Variants in TPO observed in about 807,000 individuals in gnomAD.
The protein encoded by TPO is thyroid microsomal antigen.
Under a neutral mutation model 96.9 loss-of-function variants are expected in TPO, and 78 were observed. The observed-to-expected ratio is 0.81, with a 90% CI of 0.67 to 0.97. The LOEUF is 0.97. Among genes scored for constraint, TPO ranks in the 50% least tolerant of loss-of-function variants. The probability of loss-of-function intolerance (pLI) is 0.00; values close to 1 mark genes in which losing one functional copy is unlikely to be tolerated. For missense variants in TPO, 1,252 were observed against 1,274.8 expected, an observed-to-expected ratio of 0.98 and a Z score of 0.27; for synonymous variants, 547 against 538.0, an observed-to-expected ratio of 1.02 and a Z score of -0.23.
intron 14 of TPO, among the ~76,000 whole-genome samples, chr2:1,509,633 CA>C: frequency 6.7e-6 from 1 of 150,224 alleles, no homozygotes; most frequent in South Asian, 2.2e-4. Context: ...AGGCACACCC[CA>C]CCCTCTTCTT....
chr2:1,395,761 AGTGATAGTGTGTTCTAGTGATAGTGACT>A (rs963379362), intron 1 of TPO, among the ~76,000 whole-genome samples: 1 of 149,318 alleles, frequency 6.7e-6, no homozygotes, highest in African/African-American at 2.5e-5. Context: ...AGTGTGTTCT[AGTGATAGTGTGTTCTAGTGATAGTGACT>A]AAGTCTCATG....
chr2:1,434,341 A>G (rs1471623650), intron 4 of TPO, among the ~76,000 whole-genome samples: 1 of 152,198 alleles, frequency 6.6e-6, no homozygotes, highest in Admixed American at 6.5e-5. Flanking sequence ...CTAACTAGCT[A>G]TAGATCAATT....
chr2:1,536,893 TC>T (rs1413738410), intron 15 of TPO, among the ~76,000 whole-genome samples: 11 of 94,042 alleles, frequency 1.2e-4, no homozygotes, highest in African/African-American at 4.5e-4. Context: ...CTGTGCAACC[TC>T]CCCAAATCCC....
At chr2:1,490,593 C>T (rs1052828493) in intron 10 of TPO, among the ~76,000 whole-genome samples, 12 of 152,156 alleles carry the variant, frequency 7.9e-5, no homozygotes, top group Admixed American at 7.9e-4. Context: ...CGTAGAAGGC[C>T]GGACTGCGAT....
chr2:1,390,025 T>C (rs1039737062), intron 1 of TPO, among the ~76,000 whole-genome samples: 6 of 151,986 alleles, frequency 3.9e-5, no homozygotes, highest in African/African-American at 1.4e-4. Context: ...TTTTCTTTTT[T>C]TTTTTTTTTA....
At chr2:1,398,704 G>A (rs973283776) in intron 1 of TPO, among the ~76,000 whole-genome samples, 12 of 152,218 alleles carry the variant, frequency 7.9e-5, no homozygotes, top group African/African-American at 1.7e-4. Context: ...CACCGCTTGC[G>A]TGGGGGTCTC....
chr2:1,446,386 G>A (rs1371297210), intron 5 of TPO, among the ~76,000 whole-genome samples: 1 of 152,136 alleles, frequency 6.6e-6, no homozygotes, highest in Non-Finnish European at 1.5e-5. Flanking sequence ...CTGAGCACTG[G>A]TCAATGCTTC....
intron 1 of TPO, among the ~76,000 whole-genome samples, chr2:1,386,308 G>A (rs1288038571): frequency 6.6e-6 from 1 of 152,152 alleles, no homozygotes; most frequent in Non-Finnish European, 1.5e-5. Flanking sequence ...AATGTTGACA[G>A]TGGGGTGTTA....
chr2:1,433,778 C>G (rs1383237245), intron 4 of TPO, among the ~76,000 whole-genome samples, 171 bp downstream of exon 4: 2 of 152,228 alleles, frequency 1.3e-5, no homozygotes, highest in Admixed American at 6.5e-5. Flanking sequence ...GCTTACCAAA[C>G]AGTCTCAATA....
At chr2:1,448,930 T>C (rs982577817) in intron 5 of TPO, among the ~76,000 whole-genome samples, 7 of 152,222 alleles carry the variant, frequency 4.6e-5, no homozygotes, top group African/African-American at 1.2e-4. Flanking sequence ...TTCCCAAATG[T>C]GCTTCCCTCC....
chr2:1,406,950 A>C (rs1662258028), intron 1 of TPO, among the ~76,000 whole-genome samples: 1 of 152,156 alleles, frequency 6.6e-6, no homozygotes, highest in Non-Finnish European at 1.5e-5. Flanking sequence ...CTGTTTCATA[A>C]ATGTATTATG....
chr2:1,430,725 G>A (rs951469493), intron 3 of TPO, among the ~76,000 whole-genome samples: 16 of 152,224 alleles, frequency 1.1e-4, no homozygotes, highest in African/African-American at 2.9e-4. Flanking sequence ...TACAGGACAC[G>A]GAGTCAAAGG....
At chr2:1,489,832 G>T (rs13413321) in intron 10 of TPO, among the ~76,000 whole-genome samples, 78,236 of 152,032 alleles carry the variant, frequency 0.51, 20,898 homozygotes, top group African/African-American at 0.67. Context: ...TTAACCTGTG[G>T]GGTTCCCAGT....
At chr2:1,464,040 C>T (rs1031775647) in intron 7 of TPO, among the ~76,000 whole-genome samples, 1 of 152,184 alleles carries the variant, frequency 6.6e-6, no homozygotes, top group African/African-American at 2.4e-5. Flanking sequence ...TTTTATCTCT[C>T]ACTCCCTTCC....
intron 8 of TPO, among the ~76,000 whole-genome samples, chr2:1,484,063 C>G (rs1670888125): frequency 1.3e-5 from 2 of 152,126 alleles, no homozygotes; most frequent in South Asian, 2.1e-4. Flanking sequence ...CTGAAAGAAA[C>G]ACTGTTAAAC....
chr2:1,471,989 C>A (rs1669467943), intron 7 of TPO, among the ~76,000 whole-genome samples: 3 of 151,210 alleles, frequency 2.0e-5, no homozygotes, highest in South Asian at 4.2e-4. Context: ...ATAGCACATG[C>A]CCTTCCCATG....
chr2:1,508,281 G>A (rs966780948), intron 14 of TPO, among the ~76,000 whole-genome samples: 6 of 151,784 alleles, frequency 4.0e-5, no homozygotes, highest in Non-Finnish European at 7.4e-5. Context: ...GCTGGATTCG[G>A]TTTGCCAGTA....
At chr2:1,541,740 A>T (rs990529342) in intron 16 of TPO, 1 of 152,722 alleles carries the variant, frequency 6.5e-6, no homozygotes, top group Non-Finnish European at 1.5e-5. Context: ...AAAGGTATCA[A>T]AACCATGTTT....
In TPO at chr2:1,377,255, T is replaced by C. The variant is rs930303050; in HGVS notation, n.180+2853T>C. 3.9e-5 allele frequency among the ~76,000 whole-genome samples: 6 copies of C among 152,316 alleles called. No individual in the cohort carries two copies. In the East Asian group the frequency reaches 1.2e-3, roughly 29 times the overall value. ...CCTCTGGTTATTTTTCAGCTTGACT[T>C]ACACAGAAGAAAGTCGTATGCATTG... On this transcript the variant is annotated intron_variant and non_coding_transcript_variant, in intron 1 of 5. Coordinates refer to the TPO transcript ENST00000497517.
Sources: gnomAD v4.1 joint callset for allele counts (sites outside exome capture counted in the v4.1 genomes callset) on GRCh38, gnomAD v4.1.1 for gene constraint, MANE v1.5 for transcripts, NCBI Gene and HGNC (gene_info 2026-07-23, HGNC 2026-07-21) for gene names.